The following CALN1 variants were observed in gnomAD, a reference collection of about 807,000 sequenced individuals.
CALN1 encodes the protein calcium-binding protein 8.
In CALN1, 17 loss-of-function variants were observed where a neutral mutation model predicts 30.6. That is an observed-to-expected ratio of 0.56 (90% confidence interval 0.38 to 0.83). The LOEUF (loss-of-function observed/expected upper bound fraction) is 0.83. Ranked by LOEUF, CALN1 falls within the 40% of genes least tolerant of loss-of-function variation. The probability of loss-of-function intolerance (pLI) is 0.00; values close to 1 mark genes in which losing one functional copy is unlikely to be tolerated. For missense variants in CALN1, 291 were observed against 354.9 expected (o/e 0.82, Z 1.45); for synonymous variants, 156 against 131.4 (o/e 1.19, Z -1.28).
rs1303945442 is a variant in CALN1 at position 72,058,147 on chromosome 7, G to GT, written c.389-34379dup. Reference sequence around the variant, plus strand: ...CACATATATTAAATAATCACGCCACGTTAAACACCTACACGTGCTACCAAG... The same window carrying GT: ...CACATATATTAAATAATCACGCCACGTTTAAACACCTACACGTGCTACCAAG... On this transcript the variant is annotated intron_variant, in intron 4 of 6. Coordinates refer to ENST00000395275, the MANE Select transcript of CALN1 (RefSeq NM_031468.4). Among the ~76,000 whole-genome samples, 11 of 152,010 alleles carry GT rather than the reference G, an allele frequency of 7.2e-5. No homozygotes were observed. The East Asian group carries it at 2.1e-3, about 30-fold the overall frequency.
intron 3 of CALN1, among the ~76,000 whole-genome samples, chr7:72,230,728 TCCAAA>T (rs1432536768): frequency 5.3e-5 from 8 of 152,138 alleles, no homozygotes; most frequent in African/African-American, 1.9e-4. Flanking sequence ...TAAGATGCAT[TCCAAA>T]CTCCGACCTC....
At chr7:72,230,002 G>A (rs1189870603) in intron 3 of CALN1, among the ~76,000 whole-genome samples, 1 of 151,168 alleles carries the variant, frequency 6.6e-6, no homozygotes, top group Non-Finnish European at 1.5e-5. Context: ...TTAGCTGGGC[G>A]TGGTGGTGGG....
chr7:72,239,264 G>C (rs963232890), intron 3 of CALN1, among the ~76,000 whole-genome samples: 1 of 152,082 alleles, frequency 6.6e-6, no homozygotes, highest in Non-Finnish European at 1.5e-5. Context: ...CAGGAGTGGT[G>C]GCACGTCCTT....
chr7:72,411,893 T>A (rs977721544), intron 1 of CALN1, among the ~76,000 whole-genome samples, 165 bp downstream of exon 1: 2 of 152,188 alleles, frequency 1.3e-5, no homozygotes, highest in African/African-American at 4.8e-5. Context: ...AACTCTCTTT[T>A]AGAGAGGTAT....
chr7:72,043,284 G>A (rs549392487), intron 4 of CALN1, among the ~76,000 whole-genome samples: 1 of 152,160 alleles, frequency 6.6e-6, no homozygotes, highest in Non-Finnish European at 1.5e-5. Flanking sequence ...TAAAACAAAG[G>A]TCTGGACAAC....
At chr7:72,334,272 A>C (rs1215484709) in intron 2 of CALN1, among the ~76,000 whole-genome samples, 1 of 152,194 alleles carries the variant, frequency 6.6e-6, no homozygotes, top group Non-Finnish European at 1.5e-5. Context: ...ACAACCAGCA[A>C]ACACTGCATA....
chr7:71,832,389 C>A (rs1789341126), intron 5 of CALN1, among the ~76,000 whole-genome samples: 1 of 152,116 alleles, frequency 6.6e-6, no homozygotes, highest in African/African-American at 2.4e-5. Flanking sequence ...CAACAAAGTG[C>A]AATCTAAATA....
chr7:72,044,490 T>C (rs942361633), intron 4 of CALN1, among the ~76,000 whole-genome samples: 14 of 151,836 alleles, frequency 9.2e-5, no homozygotes, highest in South Asian at 2.1e-4. Flanking sequence ...AGAGAAATTA[T>C]CCAGGCAAGA....
intron 5 of CALN1, among the ~76,000 whole-genome samples, chr7:71,855,906 T>C (rs1790919142): frequency 1.3e-5 from 2 of 152,172 alleles, no homozygotes; most frequent in African/African-American, 4.8e-5. Flanking sequence ...TGCTTTTTCA[T>C]TTATTTTATT....
chr7:72,028,632 A>T (rs544686238), intron 4 of CALN1, among the ~76,000 whole-genome samples: 1 of 152,284 alleles, frequency 6.6e-6, no homozygotes, highest in Admixed American at 6.5e-5. Flanking sequence ...CATTTAGGAG[A>T]GGACGTTTGG....
At chr7:72,031,951 C>A (rs1229982972) in intron 4 of CALN1, among the ~76,000 whole-genome samples, 1 of 151,144 alleles carries the variant, frequency 6.6e-6, no homozygotes, top group Non-Finnish European at 1.5e-5. Flanking sequence ...CCATGTTGGC[C>A]AGGCTGGTCT....
At chr7:72,248,999 C>T (rs1002188632) in intron 3 of CALN1, among the ~76,000 whole-genome samples, 4 of 152,006 alleles carry the variant, frequency 2.6e-5, no homozygotes, top group African/African-American at 4.8e-5. Flanking sequence ...AAAAGGAAAG[C>T]GAGGCAAATT....
intron 5 of CALN1, among the ~76,000 whole-genome samples, chr7:72,000,770 T>A (rs1159141903): frequency 6.6e-6 from 1 of 152,188 alleles, no homozygotes; most frequent in African/African-American, 2.4e-5. Flanking sequence ...TCTCATGAAC[T>A]TAGATGTAAG....
intron 5 of CALN1, among the ~76,000 whole-genome samples, chr7:71,901,964 A>C (rs1793874629): frequency 6.6e-6 from 1 of 152,250 alleles, no homozygotes; most frequent in African/African-American, 2.4e-5. Context: ...AAAAGAAATA[A>C]TTAACAGAGT....
At position 72,406,093 on chromosome 7, in the gene CALN1, G is replaced by T. The variant is rs755106570; in HGVS notation, c.-73-2651C>A. ...CTGGTGCCCTCACTGCGGCACTCGC[G>T]ATGTGCCAGAGAAACACAAAGCCAG... On this transcript the variant is annotated intron_variant, in intron 1 of 6. Transcript: ENST00000395275. 3.3e-5 allele frequency among the ~76,000 whole-genome samples: 5 copies of T among 152,286 alleles called. No homozygotes were observed. In the South Asian group the frequency reaches 1.0e-3, roughly 32 times the overall value.
chr7:72,484,254 T>G, the CALN1 span, among the ~76,000 whole-genome samples: 31 of 138,688 alleles, frequency 2.2e-4, no homozygotes, highest in African/African-American at 7.5e-4. Context: ...TTTTTAAATT[T>G]TTATAAGTAT....
intron 3 of CALN1, among the ~76,000 whole-genome samples, chr7:72,231,900 G>T (rs766563009): frequency 6.6e-6 from 1 of 152,186 alleles, no homozygotes; most frequent in South Asian, 2.1e-4. Context: ...TTGTTTAGCA[G>T]CATGTAAGTT....
chr7:72,067,231 C>CA (rs1166029940), intron 4 of CALN1, among the ~76,000 whole-genome samples: 1 of 152,118 alleles, frequency 6.6e-6, no homozygotes, highest in African/African-American at 2.4e-5. Context: ...TCTACAGAGC[C>CA]AAAATAGGTT....
chr7:72,205,569 T>TACACATATATATATACATATATACAC (rs1562733784), intron 3 of CALN1, among the ~76,000 whole-genome samples: 1 of 109,496 alleles, frequency 9.1e-6, no homozygotes, highest in African/African-American at 3.7e-5. Context: ...TATATATATG[T>TACACATATATATATACATATATACAC]ATATATATAT....
Sources: allele counts gnomAD v4.1 joint callset (sites outside exome capture counted in the v4.1 genomes callset), GRCh38; gene constraint gnomAD v4.1.1; transcripts MANE v1.5; gene names NCBI Gene and HGNC (gene_info 2026-07-23, HGNC 2026-07-21).